Variants in PLA2R1 observed in about 807,000 individuals in gnomAD.
The protein encoded by PLA2R1 is phospholipase A2 receptor 1.
PLA2R1 carries 158 observed loss-of-function variants against 195.9 expected under a neutral mutation model. The observed-to-expected ratio is 0.81, with a 90% CI of 0.71 to 0.92. The LOEUF (loss-of-function observed/expected upper bound fraction) is 0.92. Among genes scored for constraint, PLA2R1 ranks in the 40% least tolerant of loss-of-function variants. PLA2R1 has a pLI of 0.00. For synonymous variants in PLA2R1, 586 were observed against 598.2 expected, an observed-to-expected ratio of 0.98 and a Z score of 0.30; for missense variants, 1,626 against 1,764.6, an observed-to-expected ratio of 0.92 and a Z score of 1.41.
In PLA2R1 at chr2:160,045,128, T is replaced by A; in HGVS notation, c.139A>T (p.Ser47Cys). 1.2e-6 allele frequency: 2 copies of A among 1,604,738 alleles called. No homozygotes were observed. Among genetic ancestry groups the A allele is most frequent in the Non-Finnish European group, 8.5e-7 (1 of 1,172,702 alleles). ...DKGIFVIQSESLKKCIQAGKS... is the reference protein window; with the variant it reads ...DKGIFVIQSECLKKCIQAGKS... ...CCTGCTTGAATGCATTTCTTGAGAC[T>A]CTCACTTTGGATAACAAATATTCCT... The change falls in exon 2 of 30, where the codon AGT (serine) becomes TGT (cysteine). Residue 47 changes from serine to cysteine, a missense_variant. Physicochemically the swap from Ser to Cys is moderately radical, Grantham distance 112. Transcript: ENST00000283243.
chr2:160,013,569 TTTAA>T (rs1692507084), intron 9 of PLA2R1, among the ~76,000 whole-genome samples, 194 bp from the exon 10 acceptor site: 1 of 152,200 alleles, frequency 6.6e-6, no homozygotes, highest in African/African-American at 2.4e-5. Context: ...TCTACATTTA[TTTAA>T]TTTATTATCT....
intron 16 of PLA2R1, 122 bp from the exon 17 acceptor site, chr2:159,976,347 AAC>A (rs56857653): frequency 7.8e-5 from 47 of 599,496 alleles, no homozygotes; most frequent in Admixed American, 1.6e-4. Flanking sequence ...CAGGAATTTG[AAC>A]ACACACACAC....
intron 20 of PLA2R1, among the ~76,000 whole-genome samples, chr2:159,958,283 G>A (rs1029314597): frequency 1.3e-5 from 2 of 151,998 alleles, no homozygotes; most frequent in African/African-American, 2.4e-5. Context: ...CTCTTGCCAT[G>A]TGACATGCTG....
chr2:159,949,831 C>G, intron 24 of PLA2R1, 55 bp from the exon 25 acceptor site: 2 of 1,410,822 alleles, frequency 1.4e-6, no homozygotes, highest in Non-Finnish European at 2.0e-6. Context: ...GCAGCATCAC[C>G]CAGTGTTATC....
At chr2:159,954,832 G>A (rs1475554713) in intron 23 of PLA2R1, among the ~76,000 whole-genome samples, 1 of 152,008 alleles carries the variant, frequency 6.6e-6, no homozygotes, top group Non-Finnish European at 1.5e-5. Flanking sequence ...TCCAAAAAAG[G>A]AGCAAATATG....
Position 159,933,923 on chromosome 2 carries a change from T to C in PLA2R1, c.*7855A>G, listed in dbSNP as rs1052001420. On this transcript the variant is annotated 3_prime_UTR_variant, in exon 30 of 30. Transcript: ENST00000283243. Reference sequence around the variant, plus strand: ...ACCACTCAGCTCTGTCATGGAAGCATGAAAGCAGTCATGCACAGTATGTGA... The same window carrying C: ...ACCACTCAGCTCTGTCATGGAAGCACGAAAGCAGTCATGCACAGTATGTGA... The C allele has an allele frequency of 1.3e-5, 2 of 152,212 alleles. No homozygotes were observed. Among genetic ancestry groups the C allele is most frequent in the Non-Finnish European group, 2.9e-5 (2 of 68,028 alleles). 9.4% of individuals were successfully genotyped at this position (152,212 alleles called of 1,614,324 possible).
chr2:159,994,249 G>A (rs1691051917), intron 11 of PLA2R1, among the ~76,000 whole-genome samples: 1 of 151,988 alleles, frequency 6.6e-6, no homozygotes, highest in Admixed American at 6.6e-5. Flanking sequence ...TAAACAATGT[G>A]ATGTGAATAC....
intron 13 of PLA2R1, among the ~76,000 whole-genome samples, chr2:159,981,589 G>A (rs1430581409): frequency 1.3e-5 from 2 of 151,866 alleles, no homozygotes; most frequent in Non-Finnish European, 2.9e-5. Context: ...TGTACTTTTT[G>A]GTAGAGATGG....
rs569599753 is a variant in PLA2R1, at chr2:160,062,140, C to G, written c.109+155G>C. On this transcript the variant is annotated intron_variant, in intron 1 of 29. Coordinates refer to ENST00000283243, the MANE Select transcript of PLA2R1 (RefSeq NM_007366.5). ...AGGCTGCAGGACACCACCCGCTCCC[C>G]CCATGCTCAGGACTGCTGACACACG... 9.9e-5 allele frequency among the ~76,000 whole-genome samples: 15 copies of G among 152,168 alleles called. No individual in the cohort carries two copies. The East Asian group carries it at 2.7e-3, about 28-fold the overall frequency.
intron 17 of PLA2R1, among the ~76,000 whole-genome samples, chr2:159,971,286 T>G (rs1689158041): frequency 6.6e-6 from 1 of 152,190 alleles, no homozygotes; most frequent in Non-Finnish European, 1.5e-5. Flanking sequence ...GTATTAGTAA[T>G]GTTGTAGTGT....
Position 159,976,119 on chromosome 2 carries a change from G to A in PLA2R1, c.2544C>T (p.Leu848=), listed in dbSNP as rs1560166743. The part of the protein sequence containing the change: ...FVCSWLHSDL[L]TIHSAHEQEF... ...CTTGCTCATGTGCAGAATGAATTGT[G>A]AGAAGATCACTGTGCAGCCAGCTAC... The change falls in exon 17 of 30, where the codon CTC becomes CTT. Residue 848 remains leucine (L), a synonymous_variant. Transcript: ENST00000283243. 1 of 1,612,992 alleles carries A rather than the reference G, an allele frequency of 6.2e-7. No individual in the cohort carries two copies. The highest frequency in any genetic ancestry group is 1.7e-5 in the Admixed American group (1 of 59,960).
rs1215174193 is a variant in PLA2R1 at position 160,014,136 on chromosome 2, C to T, written c.1552-761G>A. ...AAGTCAAACTAGTGGATCAGTTGGGCCTGAAACCCAATTCTGGAACAGTCC... is the reference window on the plus strand; with the variant it reads ...AAGTCAAACTAGTGGATCAGTTGGGTCTGAAACCCAATTCTGGAACAGTCC... On this transcript the variant is annotated intron_variant, in intron 9 of 29. Transcript: ENST00000283243. Among the ~76,000 whole-genome samples, 4 of 151,952 alleles carry T rather than the reference C, an allele frequency of 2.6e-5. No homozygotes were observed. In the East Asian group the frequency reaches 7.7e-4, roughly 29 times the overall value.
In PLA2R1 at chr2:159,949,610, G is replaced by GA; in HGVS notation, c.3706_3707insT (p.Pro1236LeufsTer2). On this transcript the variant is annotated frameshift_variant, in exon 25 of 30. Transcript: ENST00000283243. LOFTEE classifies it high-confidence loss of function. Reference sequence around the variant, plus strand: ...GAGTTGAATAGAATTGAACCTACCAGGTGGCACATGACAAATGGCACCTTG... The same window carrying GA: ...GAGTTGAATAGAATTGAACCTACCAGAGTGGCACATGACAAATGGCACCTTG... The GA allele has an allele frequency of 6.2e-7, 1 of 1,611,620 alleles. No individual in the cohort carries two copies. Among genetic ancestry groups the GA allele is most frequent in the Non-Finnish European group, 8.5e-7 (1 of 1,177,904 alleles).
chr2:160,028,332 G>T lies in PLA2R1; in HGVS notation c.985C>A (p.His329Asn), dbSNP rs202189116. 7 of 1,608,422 alleles carry T rather than the reference G, an allele frequency of 4.4e-6. No individual in the cohort carries two copies. The South Asian group carries it at 5.5e-5, about 13-fold the overall frequency. Residue 329 changes from histidine (H) to asparagine (N), a missense_variant, in exon 6 of 30, where the codon CAC becomes AAC. Transcript: ENST00000283243. ...EVNFEPFVED[H>N]CGTFSSFMPS... is the part of the protein sequence containing the mutation. Reference sequence around the variant, plus strand: ...ATAAATGAACTAAATGTTCCACAGTGATCTTCAACAAATGGCTCAAAATTT... The same window carrying T: ...ATAAATGAACTAAATGTTCCACAGTTATCTTCAACAAATGGCTCAAAATTT...
intron 3 of PLA2R1, among the ~76,000 whole-genome samples, chr2:160,036,626 G>A (rs913130332): frequency 1.3e-5 from 2 of 152,166 alleles, no homozygotes; most frequent in African/African-American, 4.8e-5. Flanking sequence ...TGAGGCCTTG[G>A]GCCAAGGTCC....
chr2:160,045,908 C>T (rs1349788583), intron 1 of PLA2R1, among the ~76,000 whole-genome samples: 5 of 152,252 alleles, frequency 3.3e-5, no homozygotes, highest in African/African-American at 1.2e-4. Flanking sequence ...CATGGACAGG[C>T]GGAGAAAGCA....
intron 1 of PLA2R1, among the ~76,000 whole-genome samples, chr2:160,053,447 G>A (rs760417823): frequency 3.3e-5 from 5 of 151,934 alleles, no homozygotes; most frequent in African/African-American, 7.3e-5. Flanking sequence ...AAAATACGTG[G>A]TTTTGGCTGG....
chr2:159,958,721 G>T (rs1560147432), intron 20 of PLA2R1, among the ~76,000 whole-genome samples: 1 of 152,084 alleles, frequency 6.6e-6, no homozygotes, highest in African/African-American at 2.4e-5. Context: ...TGCCCCTCAG[G>T]GTATATTTTG....
chr2:160,037,258 T>A lies in PLA2R1; in HGVS notation c.668-4126A>T, dbSNP rs548953585. Among the ~76,000 whole-genome samples, 54 of 152,330 alleles carry A rather than the reference T, an allele frequency of 3.5e-4. 1 individual carries two copies. The highest frequency in any genetic ancestry group is 3.4e-3 in the Middle Eastern group (1 of 294). ...AGAGTAATCCTTAAATATATATTTT[T>A]AAAATCATCACTCCCCTGCTTAAAA... On this transcript the variant is annotated intron_variant, in intron 3 of 29. Transcript: ENST00000283243.
Sources: allele counts gnomAD v4.1 joint callset (sites outside exome capture counted in the v4.1 genomes callset), GRCh38; gene constraint gnomAD v4.1.1; transcripts MANE v1.5; gene names NCBI Gene and HGNC (gene_info 2026-07-23, HGNC 2026-07-21).